Variants in LRFN5 observed in about 807,000 individuals in gnomAD.
LRFN5 encodes the protein leucine-rich repeat and fibronectin type-III domain-containing protein 5.
A neutral mutation model predicts 45.6 loss-of-function variants in LRFN5; 24 were observed. The ratio of observed to expected loss-of-function variants is 0.53; its 90% CI spans 0.38 to 0.74. The LOEUF (loss-of-function observed/expected upper bound fraction) is 0.74, where lower values mean the gene tolerates loss of function less well. LRFN5 is among the 30% of genes least tolerant of loss of function. The pLI is 0.00. For missense variants in LRFN5, 776 were observed against 861.5 expected (o/e 0.90, Z 1.24); for synonymous variants, 340 against 313.8 (o/e 1.08, Z -0.88).
chr14:41,620,290 C>T (rs764124736), intron 1 of LRFN5, among the ~76,000 whole-genome samples: 10 of 152,012 alleles, frequency 6.6e-5, no homozygotes, highest in Admixed American at 3.3e-4. Context: ...TTAAAAGCAA[C>T]GTCTCAAATA....
At chr14:41,809,787 A>C (rs982104467) in intron 2 of LRFN5, among the ~76,000 whole-genome samples, 1 of 151,986 alleles carries the variant, frequency 6.6e-6, no homozygotes, top group Non-Finnish European at 1.5e-5. Flanking sequence ...GGAGATATAC[A>C]TACACACATT....
At chr14:41,871,585 G>GT (rs1255350804) in intron 2 of LRFN5, among the ~76,000 whole-genome samples, 1 of 88,906 alleles carries the variant, frequency 1.1e-5, no homozygotes, top group African/African-American at 3.3e-5. Context: ...GCAAAAATCT[G>GT]TTAAAAAAAA....
chr14:41,809,614 A>G (rs1345887555), intron 2 of LRFN5, among the ~76,000 whole-genome samples: 1 of 151,746 alleles, frequency 6.6e-6, no homozygotes, highest in Non-Finnish European at 1.5e-5. Context: ...TGGTAGCATT[A>G]TGTTTTATAT....
intron 2 of LRFN5, among the ~76,000 whole-genome samples, chr14:41,810,769 CAAT>C (rs1887708763): frequency 6.6e-6 from 1 of 151,958 alleles, no homozygotes; most frequent in African/African-American, 2.4e-5. Context: ...ATTAAGATAT[CAAT>C]AACACACCCA....
chr14:41,805,800 G>A (rs894730111), intron 2 of LRFN5, among the ~76,000 whole-genome samples: 33 of 152,122 alleles, frequency 2.2e-4, no homozygotes, highest in African/African-American at 8.0e-4. Flanking sequence ...GAAAACAAAC[G>A]TAGGAGCTGA....
intron 1 of LRFN5, among the ~76,000 whole-genome samples, chr14:41,744,407 T>C (rs1884833568): frequency 6.6e-6 from 1 of 151,978 alleles, no homozygotes; most frequent in Admixed American, 6.6e-5. Context: ...AATTTAACCA[T>C]TTCAATACAA....
chr14:41,891,201 T>C (rs1890767503), intron 3 of LRFN5, 49 bp from the exon 4 acceptor site: 2 of 1,405,126 alleles, frequency 1.4e-6, no homozygotes, highest in Non-Finnish European at 2.0e-6. Flanking sequence ...TTTCTGTGTA[T>C]GTGTTTTGTT....
chr14:41,818,901 A>G (rs1888016058), intron 2 of LRFN5, among the ~76,000 whole-genome samples: 1 of 151,976 alleles, frequency 6.6e-6, no homozygotes, highest in Non-Finnish European at 1.5e-5. Flanking sequence ...TAAACCTCCT[A>G]TATTTTTAAG....
intron 2 of LRFN5, among the ~76,000 whole-genome samples, chr14:41,787,460 A>G (rs1450951366): frequency 6.6e-6 from 1 of 151,978 alleles, no homozygotes; most frequent in Non-Finnish European, 1.5e-5. Context: ...AGCAATTAAA[A>G]TACTGTGCCA....
chr14:41,844,215 A>T (rs904264907), intron 2 of LRFN5, among the ~76,000 whole-genome samples: 1 of 152,148 alleles, frequency 6.6e-6, no homozygotes, highest in African/African-American at 2.4e-5. Context: ...AGGTGGGCGG[A>T]TCACGAGGTC....
chr14:41,626,690 A>G (rs1888347439), intron 1 of LRFN5, among the ~76,000 whole-genome samples: 1 of 152,090 alleles, frequency 6.6e-6, no homozygotes, highest in Non-Finnish European at 1.5e-5. Context: ...ATGTAGATTA[A>G]TGATTACACA....
chr14:41,840,838 G>T (rs967845603), intron 2 of LRFN5, among the ~76,000 whole-genome samples: 1 of 151,882 alleles, frequency 6.6e-6, no homozygotes, highest in Non-Finnish European at 1.5e-5. Flanking sequence ...TCTATTTGTT[G>T]TATAAACCTG....
chr14:41,718,807 C>A (rs1424582164), intron 1 of LRFN5, among the ~76,000 whole-genome samples: 1 of 152,188 alleles, frequency 6.6e-6, no homozygotes, highest in African/African-American at 2.4e-5. Flanking sequence ...TAGTGATTGA[C>A]ATTAAACTGG....
chr14:41,678,715 A>G (rs1881749664), intron 1 of LRFN5, among the ~76,000 whole-genome samples: 1 of 152,206 alleles, frequency 6.6e-6, no homozygotes, highest in Non-Finnish European at 1.5e-5. Context: ...GCTTCCAAAA[A>G]TCATCCCTGA....
intron 4 of LRFN5, chr14:41,894,792 A>G (rs1890886870): frequency 7.1e-6 from 7 of 981,752 alleles, no homozygotes; most frequent in South Asian, 4.7e-5. Flanking sequence ...ATTTGTTAGT[A>G]CAATACAGAT....
chr14:41,721,376 G>A (rs1883706441), intron 1 of LRFN5, among the ~76,000 whole-genome samples: 1 of 152,076 alleles, frequency 6.6e-6, no homozygotes, highest in Non-Finnish European at 1.5e-5. Context: ...CACATTCAAG[G>A]TTAATATTGA....
intron 2 of LRFN5, among the ~76,000 whole-genome samples, chr14:41,863,801 T>G (rs138108367): frequency 3.9e-5 from 6 of 152,278 alleles, no homozygotes; most frequent in Non-Finnish European, 7.4e-5. Flanking sequence ...GTCATCTACA[T>G]TAGGTATTTC....
intron 1 of LRFN5, among the ~76,000 whole-genome samples, chr14:41,710,360 G>A (rs995357736): frequency 1.3e-5 from 2 of 151,910 alleles, no homozygotes; most frequent in Non-Finnish European, 2.9e-5. Flanking sequence ...GTTACTTCAG[G>A]AATAAGTTTT....
At chr14:41,819,902 T>C (rs1888053053) in intron 2 of LRFN5, among the ~76,000 whole-genome samples, 1 of 152,092 alleles carries the variant, frequency 6.6e-6, no homozygotes, top group South Asian at 2.1e-4. Flanking sequence ...TTTTTTCATA[T>C]GTTCACTGAC....
Sources: gnomAD v4.1 joint callset for allele counts (sites outside exome capture counted in the v4.1 genomes callset) on GRCh38, gnomAD v4.1.1 for gene constraint, MANE v1.5 for transcripts, NCBI Gene and HGNC (gene_info 2026-07-23, HGNC 2026-07-21) for gene names.